Variants in PTPRR observed in about 807,000 individuals in gnomAD.
PTPRR encodes the protein protein tyrosine phosphatase receptor type R.
PTPRR carries 38 observed loss-of-function variants against 77.2 expected under a neutral mutation model. The observed-to-expected ratio is 0.49, with a 90% CI of 0.38 to 0.65. The LOEUF is 0.65. PTPRR is among the 30% of genes least tolerant of loss of function. PTPRR has a pLI of 0.00. For synonymous variants in PTPRR, 299 were observed against 283.1 expected (o/e 1.06, Z -0.57); for missense variants, 744 against 799.2 (o/e 0.93, Z 0.83).
chr12:70,807,591 G>A (rs117103848), intron 2 of PTPRR, among the ~76,000 whole-genome samples: 3,933 of 152,158 alleles, frequency 0.026, 88 homozygotes, highest in Non-Finnish European at 0.037. Context: ...CTTACAGACC[G>A]GCTGAAGCCA....
intron 11 of PTPRR, 119 bp downstream of exon 11, chr12:70,662,376 G>A (rs184764633): frequency 1.8e-6 from 1 of 558,362 alleles, no homozygotes; most frequent in Non-Finnish European, 3.0e-6. Flanking sequence ...GTTTCTCTTT[G>A]ATCTTAACAT....
At chr12:70,905,905 T>C (rs1893614636) in intron 1 of PTPRR, among the ~76,000 whole-genome samples, 1 of 152,034 alleles carries the variant, frequency 6.6e-6, no homozygotes. Context: ...TTGTTAGGAA[T>C]GTTAACACCT....
At chr12:70,904,710 G>A (rs560134427) in intron 1 of PTPRR, among the ~76,000 whole-genome samples, 107 of 151,764 alleles carry the variant, frequency 7.1e-4, no homozygotes, top group Middle Eastern at 6.9e-3. Flanking sequence ...TTTTTCAAGC[G>A]TAACTATATC....
chr12:70,641,371 T>C (rs1324710628), intron 13 of PTPRR, among the ~76,000 whole-genome samples: 2 of 151,864 alleles, frequency 1.3e-5, no homozygotes, highest in Non-Finnish European at 2.9e-5. Context: ...TTGTATGTTC[T>C]GGTCAGCACT....
chr12:70,754,698 G>A (rs766844004), intron 4 of PTPRR: 4 of 1,595,136 alleles, frequency 2.5e-6, no homozygotes, highest in East Asian at 2.2e-5. Flanking sequence ...ATTACGTGCT[G>A]TACTACCTCT....
At chr12:70,875,678 T>G (rs1365660047) in intron 2 of PTPRR, among the ~76,000 whole-genome samples, 1 of 151,764 alleles carries the variant, frequency 6.6e-6, no homozygotes, top group East Asian at 1.9e-4. Flanking sequence ...AAAGGTAGTT[T>G]TTTGAAAGAG....
intron 4 of PTPRR, 127 bp from the exon 5 acceptor site, chr12:70,754,428 C>T: frequency 6.4e-7 from 1 of 1,563,374 alleles, no homozygotes; most frequent in Non-Finnish European, 8.6e-7. Context: ...ACACCCCCCG[C>T]TGCCAGAGCT....
chr12:70,907,496 C>T (rs4638407), intron 1 of PTPRR, among the ~76,000 whole-genome samples: 18,506 of 152,082 alleles, frequency 0.12, 1,571 homozygotes, highest in East Asian at 0.43. Flanking sequence ...AATTGACAAC[C>T]GTTTCAGGAA....
intron 2 of PTPRR, among the ~76,000 whole-genome samples, chr12:70,842,828 G>T (rs1892419196): frequency 6.6e-6 from 1 of 152,024 alleles, no homozygotes; most frequent in Non-Finnish European, 1.5e-5. Flanking sequence ...ATATCTTTTG[G>T]GGCACCATTT....
intron 2 of PTPRR, among the ~76,000 whole-genome samples, chr12:70,873,639 G>T (rs1033480771): frequency 4.6e-5 from 7 of 152,320 alleles, no homozygotes; most frequent in Non-Finnish European, 8.8e-5. Flanking sequence ...TTCCCTGGGA[G>T]AGTGCTGGAT....
rs533456409 is a variant in PTPRR, at chr12:70,782,606, G to C, written c.358-17828C>G. Among the ~76,000 whole-genome samples the C allele has an allele frequency of 2.6e-5, 4 of 151,928 alleles. No individual in the cohort carries two copies. The East Asian group carries it at 5.8e-4, about 22-fold the overall frequency. On this transcript the variant is annotated intron_variant, in intron 2 of 13. Coordinates refer to ENST00000283228, the MANE Select transcript of PTPRR (RefSeq NM_002849.4). ...TCACAAGGACAAAAAACCAAACACCGCATGTTCTCACTCATAGTGGGAATT... is the reference window on the plus strand; with the variant it reads ...TCACAAGGACAAAAAACCAAACACCCCATGTTCTCACTCATAGTGGGAATT...
At chr12:70,865,970 T>A (rs1053315624) in intron 2 of PTPRR, among the ~76,000 whole-genome samples, 1 of 152,236 alleles carries the variant, frequency 6.6e-6, no homozygotes, top group African/African-American at 2.4e-5. Flanking sequence ...GAAATAAAGA[T>A]GTTCTTTGAA....
chr12:70,758,390 C>G (rs1408661588), intron 4 of PTPRR, among the ~76,000 whole-genome samples: 2 of 144,632 alleles, frequency 1.4e-5, no homozygotes. Flanking sequence ...GTATAGGGAG[C>G]TTCTTTTGGT....
chr12:70,711,974 T>C (rs1888843246), intron 6 of PTPRR, among the ~76,000 whole-genome samples: 1 of 152,148 alleles, frequency 6.6e-6, no homozygotes, highest in African/African-American at 2.4e-5. Flanking sequence ...TGTTCAGTGT[T>C]CATTTAAAAG....
intron 8 of PTPRR, 25 bp downstream of exon 8, chr12:70,698,240 C>T (rs1044437316): frequency 1.2e-6 from 2 of 1,600,406 alleles, no homozygotes; most frequent in Non-Finnish European, 1.7e-6. Flanking sequence ...CCATACAATG[C>T]AAATTATAAA....
chr12:70,756,313 A>T (rs1890562484), intron 4 of PTPRR, among the ~76,000 whole-genome samples: 1 of 150,666 alleles, frequency 6.6e-6, no homozygotes, highest in African/African-American at 2.4e-5. Context: ...GAACTTAGTC[A>T]CTGCACTTTC....
chr12:70,662,162 A>G (rs1036567109), intron 11 of PTPRR, among the ~76,000 whole-genome samples: 2 of 151,010 alleles, frequency 1.3e-5, no homozygotes, highest in Non-Finnish European at 2.9e-5. Context: ...TCAAAATGAC[A>G]TTAAAAAAAA....
intron 2 of PTPRR, among the ~76,000 whole-genome samples, chr12:70,765,150 C>T (rs1006914000): frequency 6.6e-6 from 1 of 152,122 alleles, no homozygotes; most frequent in Non-Finnish European, 1.5e-5. Flanking sequence ...GAGTGCCAGA[C>T]AGTGGGCGCA....
At chr12:70,740,086 T>C (rs1178147055) in intron 6 of PTPRR, among the ~76,000 whole-genome samples, 1 of 152,118 alleles carries the variant, frequency 6.6e-6, no homozygotes, top group African/African-American at 2.4e-5. Context: ...AAGATTGTTA[T>C]AGCAAGATAA....
Sources: gnomAD v4.1 joint callset for allele counts (sites outside exome capture counted in the v4.1 genomes callset) on GRCh38, gnomAD v4.1.1 for gene constraint, MANE v1.5 for transcripts, NCBI Gene and HGNC (gene_info 2026-07-23, HGNC 2026-07-21) for gene names.